Variants in PKIB observed in about 807,000 individuals in gnomAD.
PKIB encodes PKI-beta.
Under a neutral mutation model 4.5 loss-of-function variants are expected in PKIB, and 2 were observed. That is an observed-to-expected ratio of 0.44 (90% CI 0.18 to 1.39). PKIB has a LOEUF of 1.39. Among genes scored for constraint, PKIB ranks in the 40% most tolerant of loss-of-function variants. The probability of loss-of-function intolerance (pLI) is 0.27; values close to 1 mark genes in which losing one functional copy is unlikely to be tolerated. For synonymous variants in PKIB, 38 were observed against 36.0 expected, an observed-to-expected ratio of 1.06 and a Z score of -0.20; for missense variants, 94 against 92.6, an observed-to-expected ratio of 1.02 and a Z score of -0.06.
intron 2 of PKIB, among the ~76,000 whole-genome samples, chr6:122,536,488 T>A (rs569097509): frequency 6.6e-6 from 1 of 152,312 alleles, no homozygotes; most frequent in South Asian, 2.1e-4. Flanking sequence ...GATTGAAGGA[T>A]GCCAAGGAAA....
At chr6:122,472,415 A>G (rs573583739) in intron 1 of PKIB, among the ~76,000 whole-genome samples, 1 of 150,918 alleles carries the variant, frequency 6.6e-6, no homozygotes, top group Admixed American at 6.6e-5. Context: ...CGTTAAAATT[A>G]TTTTTAATTA....
rs1049545651 is a variant in PKIB, at chr6:122,545,860, G to C, written c.-247-40061G>C. Among the ~76,000 whole-genome samples the C allele has an allele frequency of 1.5e-4, 22 of 151,126 alleles. 1 individual carries two copies. Among genetic ancestry groups the C allele is most frequent in the Admixed American group, 4.0e-4 (6 of 15,180 alleles). ...ATGTGAAAAAAAAAAGTCAAGCAGA[G>C]AGGTGAATATATGGTAGAAAGCAAT... On this transcript the variant is annotated intron_variant, in intron 2 of 6. Coordinates refer to the PKIB transcript ENST00000392491.
At chr6:122,504,537 G>A (rs921997913) in intron 2 of PKIB, among the ~76,000 whole-genome samples, 1 of 152,126 alleles carries the variant, frequency 6.6e-6, no homozygotes, top group African/African-American at 2.4e-5. Flanking sequence ...CAGTCTCTCT[G>A]AATGCATATT....
At chr6:122,690,231 G>A (rs111991820) in intron 3 of PKIB, among the ~76,000 whole-genome samples, 33 of 151,258 alleles carry the variant, frequency 2.2e-4, no homozygotes, top group African/African-American at 8.0e-4. Context: ...CTTTTTATTG[G>A]AGAATTTAGT....
At chr6:122,596,976 GTT>G (rs202013252) in intron 3 of PKIB, among the ~76,000 whole-genome samples, 21 of 152,306 alleles carry the variant, frequency 1.4e-4, no homozygotes, top group Admixed American at 9.8e-4. Context: ...CCCACCAGGT[GTT>G]GTACATCTTT....
At chr6:122,505,974 G>A (rs1014348874) in intron 2 of PKIB, among the ~76,000 whole-genome samples, 3 of 152,120 alleles carry the variant, frequency 2.0e-5, no homozygotes, top group Non-Finnish European at 4.4e-5. Flanking sequence ...ATAGAGGAGT[G>A]TAAAGTAATT....
chr6:122,494,279 T>G (rs1159396300), intron 2 of PKIB, among the ~76,000 whole-genome samples: 1 of 152,232 alleles, frequency 6.6e-6, no homozygotes, highest in African/African-American at 2.4e-5. Flanking sequence ...TGGAAGTTGC[T>G]AGCTCTGAGA....
At chr6:122,552,396 G>A (rs944418151) in intron 2 of PKIB, among the ~76,000 whole-genome samples, 7 of 151,990 alleles carry the variant, frequency 4.6e-5, no homozygotes, top group African/African-American at 1.7e-4. Context: ...TTGAGACAGT[G>A]TCTTGCTCTG....
chr6:122,502,968 C>G (rs1776287705), intron 2 of PKIB, among the ~76,000 whole-genome samples: 2 of 152,142 alleles, frequency 1.3e-5, no homozygotes, highest in African/African-American at 4.8e-5. Context: ...AGTTCTGGAG[C>G]CTGGGAAGTC....
chr6:122,714,922 T>C (rs1183326716), intron 3 of PKIB, among the ~76,000 whole-genome samples: 1 of 151,986 alleles, frequency 6.6e-6, no homozygotes, highest in East Asian at 1.9e-4. Flanking sequence ...GTAGCTGGGA[T>C]CACAGGTGTG....
chr6:122,663,949 A>T (rs1777115077), intron 2 of PKIB, among the ~76,000 whole-genome samples: 1 of 152,200 alleles, frequency 6.6e-6, no homozygotes, highest in South Asian at 2.1e-4. Flanking sequence ...CATTCTACTG[A>T]AAATTAGTAT....
chr6:122,551,021 C>A (rs1772659812), intron 2 of PKIB, among the ~76,000 whole-genome samples: 1 of 152,104 alleles, frequency 6.6e-6, no homozygotes, highest in Non-Finnish European at 1.5e-5. Context: ...TAATTTGATT[C>A]CTCATCTTTG....
At chr6:122,708,845 C>T (rs558890187) in intron 3 of PKIB, among the ~76,000 whole-genome samples, 2 of 152,216 alleles carry the variant, frequency 1.3e-5, no homozygotes, top group Admixed American at 1.3e-4. Flanking sequence ...ATTGGCCAGG[C>T]TGGTCTCAAA....
chr6:122,613,647 A>G (rs1186567050), intron 1 of PKIB, among the ~76,000 whole-genome samples: 1 of 152,126 alleles, frequency 6.6e-6, no homozygotes, highest in African/African-American at 2.4e-5. Context: ...AAAGACAGCT[A>G]CTATTTTTTA....
chr6:122,661,957 G>A (rs1377933239), intron 2 of PKIB, among the ~76,000 whole-genome samples: 1 of 152,106 alleles, frequency 6.6e-6, no homozygotes, highest in African/African-American at 2.4e-5. Flanking sequence ...ATGATGCTCT[G>A]TATCATTTAA....
chr6:122,600,993 C>A (rs1283454659), intron 3 of PKIB, among the ~76,000 whole-genome samples: 1 of 151,178 alleles, frequency 6.6e-6, no homozygotes, highest in Non-Finnish European at 1.5e-5. Context: ...GGAAAAAAAC[C>A]AGATCATCAA....
chr6:122,607,589 A>G (rs944055127), upstream of PKIB, among the ~76,000 whole-genome samples: 3 of 152,036 alleles, frequency 2.0e-5, no homozygotes, highest in Admixed American at 6.6e-5. Context: ...CCTACCTCCC[A>G]CCTCTTAACT....
chr6:122,505,553 T>C (rs1340466951), intron 2 of PKIB, among the ~76,000 whole-genome samples: 2 of 152,232 alleles, frequency 1.3e-5, no homozygotes, highest in African/African-American at 4.8e-5. Context: ...GATCCTCCAG[T>C]GGTCTTAATT....
chr6:122,683,496 A>G (rs996173296), intron 3 of PKIB, among the ~76,000 whole-genome samples: 2 of 152,316 alleles, frequency 1.3e-5, no homozygotes, highest in Middle Eastern at 3.4e-3. Flanking sequence ...CCCTGCTTCT[A>G]GCATTGAGGA....
Sources: gnomAD v4.1 joint callset for allele counts (sites outside exome capture counted in the v4.1 genomes callset) on GRCh38, gnomAD v4.1.1 for gene constraint, MANE v1.5 for transcripts, NCBI Gene and HGNC (gene_info 2026-07-23, HGNC 2026-07-21) for gene names.